Variants in ERICH1 observed in about 807,000 individuals in gnomAD.
The protein encoded by ERICH1 is glutamate-rich protein 1.
A neutral mutation model predicts 39.6 loss-of-function variants in ERICH1; 56 were observed. The observed-to-expected ratio is 1.41, with a 90% CI of 1.14 to 1.77. The LOEUF (loss-of-function observed/expected upper bound fraction) is 1.77, where lower values mean the gene tolerates loss of function less well. ERICH1 is among the 40% of genes most tolerant of loss of function. ERICH1 has a pLI of 0.00. For synonymous variants in ERICH1, 313 were observed against 223.6 expected, an observed-to-expected ratio of 1.40 and a Z score of -3.57; for missense variants, 826 against 575.4, an observed-to-expected ratio of 1.44 and a Z score of -4.45.
Position 645,159 on chromosome 8 carries a change from C to T in ERICH1, c.976+23439G>A, listed in dbSNP as rs1799411924. On this transcript the variant is annotated intron_variant, in intron 3 of 3. Transcript: ENST00000522706. ...TTGAGGGGGAGGTGGGTGCGGCTCT[C>T]TGCAGGGAAGACCCCTTTCCCTCGG... 2.9e-5 allele frequency among the ~76,000 whole-genome samples: 2 copies of T among 68,654 alleles called. 1 individual carries two copies. Among genetic ancestry groups the T allele is most frequent in the South Asian group, 1.1e-3 (2 of 1,798 alleles). The allele number at this position is 68,654 out of a possible 152,430, so 45.0% of individuals were successfully genotyped here.
Position 675,278 on chromosome 8 carries a change from A to G in ERICH1, c.305-1231T>C, listed in dbSNP as rs111583210. 0.011 allele frequency among the ~76,000 whole-genome samples: 22 copies of G among 2,042 alleles called. 7 individuals carry two copies. In the South Asian group the frequency reaches 0.21, roughly 20 times the overall value. The allele number at this position is 2,042 out of a possible 152,430, so 1.3% of individuals were successfully genotyped here. ...GCGGCGGCCCCTCGTGAGGACAGAG[A>G]CGCGGCGGCCCCTCGGCGAGGACAG... is the stretch of plus-strand genomic sequence containing the variant. On this transcript the variant is annotated intron_variant, in intron 3 of 5. Transcript: ENST00000262109.
chr8:616,860 CAGAGAG>C (rs1272223434), intron 3 of ERICH1, among the ~76,000 whole-genome samples: 1 of 101,316 alleles, frequency 9.9e-6, no homozygotes, highest in Non-Finnish European at 1.9e-5. Flanking sequence ...CAGAAAGAGA[CAGAGAG>C]AGAGAGGGAG....
intron 3 of ERICH1, among the ~76,000 whole-genome samples, chr8:681,566 C>T (rs1016939173): frequency 6.6e-6 from 1 of 152,170 alleles, no homozygotes; most frequent in East Asian, 1.9e-4. Flanking sequence ...AAAGCAGTGC[C>T]CTCCACCTAA....
intron 3 of ERICH1, among the ~76,000 whole-genome samples, chr8:618,538 T>C (rs1298808884): frequency 6.6e-6 from 1 of 152,088 alleles, no homozygotes; most frequent in Non-Finnish European, 1.5e-5. Flanking sequence ...GCTAACTGAG[T>C]GAGTGACTGA....
intron 1 of ERICH1, chr8:725,069 C>A: frequency 5.9e-6 from 1 of 169,126 alleles, no homozygotes; most frequent in East Asian, 1.8e-4. Context: ...TCTGTACCTG[C>A]TGTCCCCTCC....
exon 4 of ERICH1, chr8:615,066 T>C: frequency 1.7e-6 from 1 of 584,620 alleles, no homozygotes; most frequent in Non-Finnish European, 3.0e-6. Context: ...CCTGTACCCA[T>C]CGGCCACTGA....
chr8:655,369 C>T (rs1234632672), intron 3 of ERICH1, among the ~76,000 whole-genome samples: 11 of 152,320 alleles, frequency 7.2e-5, no homozygotes, highest in African/African-American at 1.9e-4. Flanking sequence ...GATTTCTGTA[C>T]GTCAGCACAC....
chr8:680,507 C>A (rs1198409844), intron 3 of ERICH1, among the ~76,000 whole-genome samples: 3 of 150,012 alleles, frequency 2.0e-5, no homozygotes, highest in African/African-American at 2.5e-5. Context: ...CCAAGAGAAT[C>A]CACAGCTGCC....
At chr8:694,281 C>T (rs952942295) in intron 2 of ERICH1, among the ~76,000 whole-genome samples, 29 of 152,160 alleles carry the variant, frequency 1.9e-4, no homozygotes, top group African/African-American at 2.4e-4. Flanking sequence ...CATTCCCTGC[C>T]GGAGCCAAGG....
At chr8:727,892 G>T (rs1819143592) in intron 1 of ERICH1, among the ~76,000 whole-genome samples, 1 of 152,208 alleles carries the variant, frequency 6.6e-6, no homozygotes, top group Admixed American at 6.5e-5. Flanking sequence ...GGGCACTGTG[G>T]GGCAGGGACT....
chr8:629,207 C>T (rs528399419), intron 3 of ERICH1, among the ~76,000 whole-genome samples: 84 of 152,306 alleles, frequency 5.5e-4, no homozygotes, highest in Admixed American at 3.9e-3. Flanking sequence ...ACACTCAGGG[C>T]TTTATAGTGG....
chr8:659,992 GC>G (rs1300672748), downstream of ERICH1, among the ~76,000 whole-genome samples: 2 of 152,336 alleles, frequency 1.3e-5, no homozygotes, highest in African/African-American at 2.4e-5. Flanking sequence ...CTGGCCTCAA[GC>G]CCCCCAAGGG....
intron 1 of ERICH1, among the ~76,000 whole-genome samples, chr8:717,835 G>A (rs931580303): frequency 6.6e-6 from 1 of 152,356 alleles, no homozygotes; most frequent in Non-Finnish European, 1.5e-5. Context: ...GCCAGGCAAT[G>A]CTGCAGAACG....
intron 1 of ERICH1, among the ~76,000 whole-genome samples, chr8:724,727 T>G (rs942708768): frequency 1.3e-5 from 2 of 152,218 alleles, no homozygotes; most frequent in African/African-American, 4.8e-5. Flanking sequence ...GGCTTTTTCC[T>G]TAGATAGGTC....
At chr8:696,509 C>A (rs1810314732) in intron 2 of ERICH1, among the ~76,000 whole-genome samples, 1 of 30,694 alleles carries the variant, frequency 3.3e-5, no homozygotes, top group Non-Finnish European at 6.4e-5. Flanking sequence ...CTCTCTCCCT[C>A]TCCTTCCTCC....
intron 1 of ERICH1, among the ~76,000 whole-genome samples, chr8:727,594 A>T (rs1321513309): frequency 1.3e-5 from 2 of 152,220 alleles, no homozygotes; most frequent in African/African-American, 2.4e-5. Flanking sequence ...CAGCAGTCAC[A>T]GCAAGAATGG....
intron 3 of ERICH1, among the ~76,000 whole-genome samples, chr8:621,230 A>G (rs556915390): frequency 6.6e-6 from 1 of 152,324 alleles, no homozygotes; most frequent in East Asian, 1.9e-4. Context: ...GGATGAAAAT[A>G]AAAGCACATC....
chr8:620,678 T>C (rs1797226869), intron 3 of ERICH1, among the ~76,000 whole-genome samples: 1 of 152,148 alleles, frequency 6.6e-6, no homozygotes, highest in African/African-American at 2.4e-5. Flanking sequence ...AAAAACAGAC[T>C]TTAAAACAGA....
intron 2 of ERICH1, among the ~76,000 whole-genome samples, chr8:708,283 T>C (rs1340132917): frequency 2.6e-5 from 4 of 152,168 alleles, no homozygotes; most frequent in African/African-American, 9.7e-5. Context: ...TTTCCACTCC[T>C]AAGTATAAAC....
Sources: gnomAD v4.1 joint callset for allele counts (sites outside exome capture counted in the v4.1 genomes callset) on GRCh38, gnomAD v4.1.1 for gene constraint, MANE v1.5 for transcripts, NCBI Gene and HGNC (gene_info 2026-07-23, HGNC 2026-07-21) for gene names.